The following ADGRL3 variants were observed in gnomAD, a reference collection of about 807,000 sequenced individuals.
ADGRL3 encodes the protein calcium-independent alpha-latrotoxin receptor 3.
Under a neutral mutation model 153.5 loss-of-function variants are expected in ADGRL3, and 62 were observed. That is an observed-to-expected ratio of 0.40 (90% CI 0.33 to 0.50). The LOEUF (loss-of-function observed/expected upper bound fraction) is 0.50, where lower values mean the gene tolerates loss of function less well. ADGRL3 is among the 20% of genes least tolerant of loss of function. The probability of loss-of-function intolerance (pLI) is 0.47; values close to 1 mark genes in which losing one functional copy is unlikely to be tolerated. For synonymous variants in ADGRL3, 710 were observed against 672.5 expected (o/e 1.06, Z -0.86); for missense variants, 1,641 against 1,859.4 (o/e 0.88, Z 2.16).
chr4:61,789,668 A>G (rs1465032419), intron 8 of ADGRL3, among the ~76,000 whole-genome samples: 1 of 152,156 alleles, frequency 6.6e-6, no homozygotes, highest in African/African-American at 2.4e-5. Flanking sequence ...AAATTGACTG[A>G]TAGTTGATTT....
intron 1 of ADGRL3, among the ~76,000 whole-genome samples, chr4:61,344,300 G>A (rs1399090470): frequency 6.6e-6 from 1 of 152,164 alleles, no homozygotes; most frequent in Non-Finnish European, 1.5e-5. Context: ...ATTGCTAACA[G>A]TTGCTTTGCA....
intron 8 of ADGRL3, among the ~76,000 whole-genome samples, chr4:61,808,800 T>C (rs2148545767): frequency 6.6e-6 from 1 of 152,008 alleles, no homozygotes; most frequent in Non-Finnish European, 1.5e-5. Context: ...GGCTTTTTTT[T>C]TTTTTTTAAG....
intron 8 of ADGRL3, among the ~76,000 whole-genome samples, chr4:61,741,716 G>A (rs1391008905): frequency 6.6e-6 from 1 of 152,178 alleles, no homozygotes; most frequent in Non-Finnish European, 1.5e-5. Context: ...AAGAATCACA[G>A]TCCTGTACAA....
At chr4:61,871,074 C>A (rs772720473) in intron 9 of ADGRL3, among the ~76,000 whole-genome samples, 64 of 152,136 alleles carry the variant, frequency 4.2e-4, no homozygotes, top group Middle Eastern at 3.4e-3. Context: ...GTCAGGAGAT[C>A]GAGACCATCC....
At chr4:61,883,582 T>C (rs1479390823) in intron 9 of ADGRL3, among the ~76,000 whole-genome samples, 1 of 152,196 alleles carries the variant, frequency 6.6e-6, no homozygotes, top group African/African-American at 2.4e-5. Flanking sequence ...TTACAATTTG[T>C]CCAAGGTTAC....
chr4:61,735,673 T>A (rs1442638078), intron 8 of ADGRL3, among the ~76,000 whole-genome samples: 3 of 152,150 alleles, frequency 2.0e-5, no homozygotes, highest in Non-Finnish European at 4.4e-5. Context: ...TTCTAATATC[T>A]CAAAGGAATA....
At chr4:61,857,659 C>CTTT (rs1433165053) in intron 9 of ADGRL3, among the ~76,000 whole-genome samples, 9 of 150,976 alleles carry the variant, frequency 6.0e-5, no homozygotes, top group East Asian at 1.9e-4. Context: ...TTCCTTCCTT[C>CTTT]CTTCTTTCTT....
At chr4:61,818,060 A>G (rs1207936226) in intron 9 of ADGRL3, among the ~76,000 whole-genome samples, 1 of 152,156 alleles carries the variant, frequency 6.6e-6, no homozygotes, top group Non-Finnish European at 1.5e-5. Context: ...CTAAAGTCTT[A>G]ACTCATTTCA....
At chr4:61,903,650 CAAAAAAAAAAAAAA>C (rs55879235) in intron 11 of ADGRL3, among the ~76,000 whole-genome samples, 123 of 72,362 alleles carry the variant, frequency 1.7e-3, no homozygotes, top group African/African-American at 7.8e-3. Flanking sequence ...TGGGAAACAG[CAAAAAAAAAAAAAA>C]AAAAAAAAAA....
intron 25 of ADGRL3, among the ~76,000 whole-genome samples, chr4:62,063,834 TAAAC>T (rs1453512561): frequency 2.6e-5 from 4 of 152,256 alleles, no homozygotes; most frequent in African/African-American, 9.6e-5. Context: ...TTCCTTCTGA[TAAAC>T]AAATGCCTGA....
chr4:62,020,773 T>C (rs1247488011), intron 21 of ADGRL3, among the ~76,000 whole-genome samples: 1 of 152,130 alleles, frequency 6.6e-6, no homozygotes, highest in Non-Finnish European at 1.5e-5. Flanking sequence ...TTGCACTTAG[T>C]AGAACATTGC....
At chr4:61,432,915 AG>A (rs1433591580) in intron 2 of ADGRL3, among the ~76,000 whole-genome samples, 1 of 151,114 alleles carries the variant, frequency 6.6e-6, no homozygotes, top group Non-Finnish European at 1.5e-5. Context: ...AACCTCCCAA[AG>A]TGCTGGGATT....
intron 1 of ADGRL3, among the ~76,000 whole-genome samples, chr4:61,330,877 T>C (rs1234490209): frequency 1.3e-5 from 2 of 152,122 alleles, no homozygotes; most frequent in Non-Finnish European, 2.9e-5. Flanking sequence ...TTACAATCCT[T>C]TAGCTAGACA....
intron 1 of ADGRL3, among the ~76,000 whole-genome samples, chr4:61,342,058 A>G (rs1287491684): frequency 6.6e-6 from 1 of 152,144 alleles, no homozygotes; most frequent in Non-Finnish European, 1.5e-5. Flanking sequence ...AGAATTATAT[A>G]TGAGTGTTAA....
intron 1 of ADGRL3, among the ~76,000 whole-genome samples, chr4:61,313,132 A>C: frequency 6.6e-6 from 1 of 152,190 alleles, no homozygotes; most frequent in Non-Finnish European, 1.5e-5. Flanking sequence ...TACATTGCTT[A>C]GTGAAAAACC....
chr4:61,846,753 A>G (rs1369645743), intron 9 of ADGRL3, among the ~76,000 whole-genome samples: 4 of 151,728 alleles, frequency 2.6e-5, no homozygotes, highest in Non-Finnish European at 4.4e-5. Flanking sequence ...GCTTCTAGGG[A>G]GGCCTCAGGA....
At chr4:61,665,835 A>C (rs1200641776) in intron 5 of ADGRL3, among the ~76,000 whole-genome samples, 1 of 152,114 alleles carries the variant, frequency 6.6e-6, no homozygotes, top group African/African-American at 2.4e-5. Context: ...AATACATCAG[A>C]GTCAGCCTGA....
At chr4:61,388,879 A>G (rs2096771330) in intron 2 of ADGRL3, among the ~76,000 whole-genome samples, 1 of 152,074 alleles carries the variant, frequency 6.6e-6, no homozygotes, top group African/African-American at 2.4e-5. Flanking sequence ...TTCCCTGCAC[A>G]TTCCCATTTA....
chr4:62,013,898 AT>A (rs35627844), intron 21 of ADGRL3, among the ~76,000 whole-genome samples: 33 of 149,788 alleles, frequency 2.2e-4, no homozygotes, highest in East Asian at 4.0e-4. Flanking sequence ...AAAAAAAAAA[AT>A]TTTTTTTTTG....
Sources: gnomAD v4.1 joint callset for allele counts (sites outside exome capture counted in the v4.1 genomes callset) on GRCh38, gnomAD v4.1.1 for gene constraint, MANE v1.5 for transcripts, NCBI Gene and HGNC (gene_info 2026-07-23, HGNC 2026-07-21) for gene names.